The following SNTG1 variants were observed in gnomAD, a reference collection of about 807,000 sequenced individuals.
SNTG1 encodes the protein gamma-1-syntrophin.
A neutral mutation model predicts 74.7 loss-of-function variants in SNTG1; 39 were observed. The ratio of observed to expected loss-of-function variants is 0.52; its 90% CI spans 0.40 to 0.68. The LOEUF (loss-of-function observed/expected upper bound fraction) is 0.68, where lower values mean the gene tolerates loss of function less well. Ranked by LOEUF, SNTG1 falls within the 30% of genes least tolerant of loss-of-function variation. The probability of loss-of-function intolerance (pLI) is 0.00; values close to 1 mark genes in which losing one functional copy is unlikely to be tolerated. For synonymous variants in SNTG1, 254 were observed against 217.1 expected, an observed-to-expected ratio of 1.17 and a Z score of -1.49; for missense variants, 685 against 609.5, an observed-to-expected ratio of 1.12 and a Z score of -1.30.
chr8:50,553,803 A>G (rs548699263), intron 12 of SNTG1, among the ~76,000 whole-genome samples: 2 of 152,290 alleles, frequency 1.3e-5, no homozygotes, highest in East Asian at 3.9e-4. Context: ...ATTCTATGAG[A>G]AATATAGTCT....
intron 13 of SNTG1, among the ~76,000 whole-genome samples, chr8:50,641,342 G>A (rs1463838620): frequency 2.6e-5 from 4 of 152,190 alleles, no homozygotes; most frequent in South Asian, 2.1e-4. Context: ...TGAAGCAATC[G>A]GAGGAGAACT....
intron 1 of SNTG1, among the ~76,000 whole-genome samples, chr8:50,001,622 G>C (rs1814746980): frequency 6.6e-6 from 1 of 152,134 alleles, no homozygotes; most frequent in African/African-American, 2.4e-5. Flanking sequence ...ACATCAGACT[G>C]TATATTGTTG....
chr8:50,738,022 C>T (rs117955723), intron 17 of SNTG1, among the ~76,000 whole-genome samples: 6 of 152,200 alleles, frequency 3.9e-5, no homozygotes, highest in Non-Finnish European at 7.4e-5. Flanking sequence ...CATCTCTCAC[C>T]ACTCCAATTC....
At chr8:49,944,508 C>T (rs932129361) in intron 1 of SNTG1, among the ~76,000 whole-genome samples, 1 of 137,960 alleles carries the variant, frequency 7.2e-6, no homozygotes, top group Non-Finnish European at 1.5e-5. Flanking sequence ...TGTTCTCACT[C>T]ATAGGTGGGA....
intron 2 of SNTG1, among the ~76,000 whole-genome samples, chr8:50,225,134 C>T (rs2085263036): frequency 6.6e-6 from 1 of 152,034 alleles, no homozygotes; most frequent in Non-Finnish European, 1.5e-5. Context: ...CCACGTCCAG[C>T]TAATTTTTTG....
intron 2 of SNTG1, among the ~76,000 whole-genome samples, chr8:50,304,841 T>C (rs1210991698): frequency 6.6e-6 from 1 of 152,186 alleles, no homozygotes. Flanking sequence ...TTTTGGTTAT[T>C]TGAACCTTAT....
At chr8:49,923,582 T>G (rs1357815389) in intron 1 of SNTG1, among the ~76,000 whole-genome samples, 4 of 152,086 alleles carry the variant, frequency 2.6e-5, no homozygotes, top group African/African-American at 7.2e-5. Context: ...TGTTAAGACA[T>G]TGAGTCCTAG....
chr8:50,450,850 A>C (rs1471478938), intron 8 of SNTG1, 121 bp downstream of exon 8: 1 of 983,342 alleles, frequency 1.0e-6, no homozygotes, highest in Middle Eastern at 3.2e-4. Context: ...TTTGATATCA[A>C]ATTTTCAAAT....
At chr8:50,466,012 A>C (rs2131712278) in intron 8 of SNTG1, among the ~76,000 whole-genome samples, 1 of 152,254 alleles carries the variant, frequency 6.6e-6, no homozygotes, top group African/African-American at 2.4e-5. Context: ...AAACTGCCAA[A>C]CTGTTTTCCA....
intron 2 of SNTG1, among the ~76,000 whole-genome samples, chr8:50,251,009 C>T (rs1472534647): frequency 1.3e-5 from 2 of 151,762 alleles, no homozygotes; most frequent in African/African-American, 4.8e-5. Flanking sequence ...GTAAAAACAC[C>T]AACAGCTGCA....
At chr8:50,357,787 A>T (rs2091858726) in intron 2 of SNTG1, among the ~76,000 whole-genome samples, 4 of 152,146 alleles carry the variant, frequency 2.6e-5, no homozygotes, top group Admixed American at 2.6e-4. Context: ...ATCTTGTGTT[A>T]CTTTACAAAT....
intron 1 of SNTG1, among the ~76,000 whole-genome samples, chr8:49,953,501 C>T (rs1418147554): frequency 6.6e-6 from 1 of 152,192 alleles, no homozygotes; most frequent in Non-Finnish European, 1.5e-5. Flanking sequence ...GGTAGACAAG[C>T]TGGGGAGTCA....
chr8:50,288,683 A>G (rs2088920296), intron 2 of SNTG1, among the ~76,000 whole-genome samples: 1 of 152,134 alleles, frequency 6.6e-6, no homozygotes, highest in Non-Finnish European at 1.5e-5. Flanking sequence ...AAATGTGTTG[A>G]TTAAGGTCAT....
intron 2 of SNTG1, among the ~76,000 whole-genome samples, chr8:50,196,186 T>C (rs2083762049): frequency 6.6e-6 from 1 of 152,176 alleles, no homozygotes; most frequent in Non-Finnish European, 1.5e-5. Flanking sequence ...TTGACCAGTA[T>C]CCATTAGAGT....
chr8:50,499,382 A>G (rs1221437712), intron 8 of SNTG1, among the ~76,000 whole-genome samples: 2 of 150,326 alleles, frequency 1.3e-5, no homozygotes, highest in Non-Finnish European at 3.0e-5. Context: ...TTATTTCCTG[A>G]AACTCTGCTA....
intron 2 of SNTG1, among the ~76,000 whole-genome samples, chr8:50,250,065 AT>A (rs1214456109): frequency 6.6e-6 from 1 of 151,892 alleles, no homozygotes; most frequent in Non-Finnish European, 1.5e-5. Context: ...AGAAAAAAAA[AT>A]TCAATGAAAT....
chr8:50,536,940 T>C lies in SNTG1; in HGVS notation c.680+132T>C, dbSNP rs564077691. ...GATAGTAGAAAGAAGAGCTTCAAAA[T>C]AATAATCTAACAAAGTTAAACACTT... On this transcript the variant is annotated intron_variant, in intron 11 of 18. Transcript: ENST00000642720. 3 of 1,134,254 alleles carry C rather than the reference T, an allele frequency of 2.6e-6. No homozygotes were observed. The African/African-American group carries it at 4.7e-5, about 18-fold the overall frequency. 70.3% of individuals were successfully genotyped at this position (1,134,254 alleles called of 1,614,324 possible).
At chr8:50,260,566 A>G (rs1563811964) in intron 2 of SNTG1, among the ~76,000 whole-genome samples, 1 of 151,970 alleles carries the variant, frequency 6.6e-6, no homozygotes, top group Non-Finnish European at 1.5e-5. Context: ...AAAAAGCAAA[A>G]GAGAGTTTGA....
At chr8:50,343,965 G>A (rs1203642633) in intron 2 of SNTG1, among the ~76,000 whole-genome samples, 1 of 152,162 alleles carries the variant, frequency 6.6e-6, no homozygotes, top group African/African-American at 2.4e-5. Context: ...TTAGTCATCT[G>A]ATCAGGTAGT....
Sources: allele counts gnomAD v4.1 joint callset (sites outside exome capture counted in the v4.1 genomes callset), GRCh38; gene constraint gnomAD v4.1.1; transcripts MANE v1.5; gene names NCBI Gene and HGNC (gene_info 2026-07-23, HGNC 2026-07-21).